The following RABGAP1L variants were observed in gnomAD, a reference collection of about 807,000 sequenced individuals.
RABGAP1L encodes the protein RAB GTPase activating protein 1 like.
A neutral mutation model predicts 137.7 loss-of-function variants in RABGAP1L; 63 were observed. That is an observed-to-expected ratio of 0.46 (90% CI 0.37 to 0.56). The LOEUF is 0.56. Among genes scored for constraint, RABGAP1L ranks in the 20% least tolerant of loss-of-function variants. The pLI is 0.00. For missense variants in RABGAP1L, 1,095 were observed against 1,244.0 expected (o/e 0.88, Z 1.80); for synonymous variants, 431 against 433.7 (o/e 0.99, Z 0.08).
intron 18 of RABGAP1L, among the ~76,000 whole-genome samples, chr1:174,768,346 T>G (rs1251814820): frequency 6.6e-6 from 1 of 152,108 alleles, no homozygotes; most frequent in Admixed American, 6.5e-5. Flanking sequence ...GGAAAGGCTG[T>G]CTCCCAATAG....
intron 4 of RABGAP1L, among the ~76,000 whole-genome samples, chr1:174,239,138 CG>C (rs1558060178): frequency 6.6e-6 from 1 of 152,164 alleles, no homozygotes; most frequent in Admixed American, 6.5e-5. Flanking sequence ...GCGCACCGTG[CG>C]CGCACCAACT....
rs1208776494 is a variant in RABGAP1L at position 174,994,372 on chromosome 1, C to T, written c.*4371C>T. 2 of 152,220 alleles carry T rather than the reference C, an allele frequency of 1.3e-5. No homozygotes were observed. Among genetic ancestry groups the T allele is most frequent in the African/African-American group, 2.4e-5 (1 of 41,450 alleles). The allele number at this position is 152,220 out of a possible 1,614,324, so 9.4% of individuals were successfully genotyped here. A position where few individuals can be genotyped will look rare whatever the true frequency, so the allele number is the denominator to read the frequency against. On this transcript the variant is annotated 3_prime_UTR_variant, in exon 26 of 26. Transcript: ENST00000681986. The stretch of plus-strand genomic sequence containing the variant: ...ACTACATATGTCAAGCTTATCTCCA[C>T]CTGAATTTGCTGCCTGCTATAAAAA...
At chr1:174,485,420 T>A (rs1317683995) in intron 13 of RABGAP1L, among the ~76,000 whole-genome samples, 1 of 152,210 alleles carries the variant, frequency 6.6e-6, no homozygotes, top group Non-Finnish European at 1.5e-5. Context: ...ATGTTCTAGA[T>A]CTTAGAGGAA....
intron 13 of RABGAP1L, among the ~76,000 whole-genome samples, chr1:174,442,898 A>T (rs1654317398): frequency 6.6e-6 from 1 of 152,084 alleles, no homozygotes; most frequent in South Asian, 2.1e-4. Flanking sequence ...GCCTCTGGCA[A>T]CTGCCATTTT....
Position 174,448,378 on chromosome 1 carries a change from C to A in RABGAP1L, c.1710+54233C>A. 2 of 1,613,752 alleles carry A rather than the reference C, an allele frequency of 1.2e-6. No individual in the cohort carries two copies. The highest frequency in any genetic ancestry group is 1.7e-6 in the Non-Finnish European group (2 of 1,179,632). The stretch of plus-strand genomic sequence containing the variant: ...AGACGATGGCATATGCTGATCTTTT[C>A]GTTGGAGTTAGCTGCTTGGTTCCTA... On this transcript the variant is annotated intron_variant, in intron 13 of 25. Coordinates refer to ENST00000681986, the MANE Select transcript of RABGAP1L (RefSeq NM_001366446.1). This position sits in a 1 kb window ranked among gnomAD's most constrained non-coding sequence, Gnocchi z 4.2.
At chr1:174,462,737 C>T (rs1656828684) in intron 13 of RABGAP1L, among the ~76,000 whole-genome samples, 1 of 152,114 alleles carries the variant, frequency 6.6e-6, no homozygotes, top group Non-Finnish European at 1.5e-5. Flanking sequence ...TTTATATTCA[C>T]ATGTACCAAT....
At chr1:174,218,913 C>G (rs1669541577) in intron 1 of RABGAP1L, among the ~76,000 whole-genome samples, 1 of 152,050 alleles carries the variant, frequency 6.6e-6, no homozygotes, top group Non-Finnish European at 1.5e-5. Flanking sequence ...CAATATGGCT[C>G]TATTAGTCTG....
chr1:174,444,257 T>G (rs1433841649), intron 13 of RABGAP1L, among the ~76,000 whole-genome samples: 1 of 152,050 alleles, frequency 6.6e-6, no homozygotes, highest in Non-Finnish European at 1.5e-5. Context: ...GTATGTTGCT[T>G]TGGGTGATAT....
At chr1:174,404,685 T>A (rs1244141101) in intron 13 of RABGAP1L, among the ~76,000 whole-genome samples, 1 of 152,178 alleles carries the variant, frequency 6.6e-6, no homozygotes, top group Admixed American at 6.5e-5. Context: ...ACATATTAAT[T>A]TTTTAAATTA....
At chr1:174,946,666 C>T (rs1047689021) in intron 19 of RABGAP1L, among the ~76,000 whole-genome samples, 4 of 151,614 alleles carry the variant, frequency 2.6e-5, no homozygotes, top group South Asian at 2.1e-4. Flanking sequence ...TTTGAGAGGC[C>T]GAGGCAGGTG....
At chr1:174,201,385 A>G (rs1668087047) in intron 1 of RABGAP1L, among the ~76,000 whole-genome samples, 1 of 151,602 alleles carries the variant, frequency 6.6e-6, no homozygotes, top group African/African-American at 2.4e-5. Context: ...TTTAGTAGAG[A>G]TGGAGTTTCA....
chr1:174,191,952 A>G (rs2148341161), intron 1 of RABGAP1L, among the ~76,000 whole-genome samples: 1 of 152,320 alleles, frequency 6.6e-6, no homozygotes, highest in South Asian at 2.1e-4. Flanking sequence ...AGAATGTAGG[A>G]CTGAATGCAT....
intron 1 of RABGAP1L, among the ~76,000 whole-genome samples, chr1:174,206,273 G>A (rs769921898): frequency 1.3e-5 from 2 of 152,172 alleles, no homozygotes; most frequent in Non-Finnish European, 2.9e-5. Context: ...AATTAATAAA[G>A]TTCTTTTGTC....
At chr1:174,552,481 T>A (rs552778450) in intron 13 of RABGAP1L, among the ~76,000 whole-genome samples, 1 of 152,256 alleles carries the variant, frequency 6.6e-6, no homozygotes, top group African/African-American at 2.4e-5. Context: ...GCTCCATCCA[T>A]GTCCCTGCAA....
chr1:174,629,081 G>A (rs550381594), intron 13 of RABGAP1L, among the ~76,000 whole-genome samples: 1 of 152,222 alleles, frequency 6.6e-6, no homozygotes, highest in South Asian at 2.1e-4. Flanking sequence ...TAATATTGAG[G>A]AGAAAAATTG....
rs527925871 is a variant in RABGAP1L at position 174,567,769 on chromosome 1, G to GA, written c.1711-69602dup. Among the ~76,000 whole-genome samples, 261 of 152,238 alleles carry GA rather than the reference G, an allele frequency of 1.7e-3. 2 individuals carry two copies. The highest frequency in any genetic ancestry group is 5.3e-3 in the African/African-American group (221 of 41,540). On this transcript the variant is annotated intron_variant, in intron 13 of 25. Transcript: ENST00000681986. The stretch of plus-strand genomic sequence containing the variant: ...AATGCAACTCTGCAGGATTTGATTA[G>GA]AAAAGGAATTTTAAGGTAAATGTAG...
At chr1:174,430,541 T>G (rs1652510572) in intron 13 of RABGAP1L, among the ~76,000 whole-genome samples, 1 of 152,170 alleles carries the variant, frequency 6.6e-6, no homozygotes, top group African/African-American at 2.4e-5. Context: ...ATGTTGGCAG[T>G]AAGTAAATCT....
intron 19 of RABGAP1L, among the ~76,000 whole-genome samples, 155 bp downstream of exon 19, chr1:174,812,115 A>G (rs1056840867): frequency 1.0e-3 from 158 of 152,226 alleles, no homozygotes; most frequent in Non-Finnish European, 1.9e-4. Context: ...TTGTCAGGCT[A>G]ATGTGTGTAT....
chr1:174,192,318 G>GTTTT (rs3056994), intron 1 of RABGAP1L, among the ~76,000 whole-genome samples: 1 of 112,928 alleles, frequency 8.9e-6, no homozygotes, highest in Non-Finnish European at 1.8e-5. Flanking sequence ...TGTCTGAGGT[G>GTTTT]TTTTTTTTTT....
Sources: gnomAD v4.1 joint callset for allele counts (sites outside exome capture counted in the v4.1 genomes callset) on GRCh38, gnomAD v4.1.1 for gene constraint, Gnocchi (gnomAD v3.1) non-coding constraint, MANE v1.5 for transcripts, NCBI Gene and HGNC (gene_info 2026-07-23, HGNC 2026-07-21) for gene names.